The following URB1 variants were observed in gnomAD, a reference collection of about 807,000 sequenced individuals.
The protein encoded by URB1 is nucleolar pre-ribosomal-associated protein 1.
Under a neutral mutation model 242.3 loss-of-function variants are expected in URB1, and 197 were observed. The ratio of observed to expected loss-of-function variants is 0.81; its 90% CI spans 0.72 to 0.91. The LOEUF (loss-of-function observed/expected upper bound fraction) is 0.91. Ranked by LOEUF, URB1 falls within the 40% of genes least tolerant of loss-of-function variation. The probability of loss-of-function intolerance (pLI) is 0.00; values close to 1 mark genes in which losing one functional copy is unlikely to be tolerated. For missense variants in URB1, 2,721 were observed against 2,860.5 expected, an observed-to-expected ratio of 0.95 and a Z score of 1.11; for synonymous variants, 1,153 against 1,201.8, an observed-to-expected ratio of 0.96 and a Z score of 0.84.
rs201668042 is a variant in URB1, at chr21:32,344,642, A to G, written c.4185T>C (p.Ser1395=). The part of the protein sequence containing the change: ...SCVKWLIVSF[S]GGQQDDDNTQ... ...TATTATCATCATCTTGCTGTCCACC[A>G]CTGAAAGACACGATCAGCCACTTCA... The change falls in exon 24 of 39, where the codon AGT becomes AGC. Residue 1395 remains serine (S), a synonymous_variant. Transcript: ENST00000382751. 5.7e-5 allele frequency: 89 copies of G among 1,552,202 alleles called. No homozygotes were observed. The highest frequency in any genetic ancestry group is 3.3e-4 in the Middle Eastern group (2 of 6,020).
rs2033276237 is a variant in URB1 at position 32,360,987 on chromosome 21, T to C, written c.1756+20A>G. On this transcript the variant is annotated intron_variant, in intron 13 of 38. Transcript: ENST00000382751. ...TTGGCAGCAACAGTGGCGGCTTGTCTGCAAGACCTTGAAACCCACCTTTCA... is the reference window on the plus strand; with the variant it reads ...TTGGCAGCAACAGTGGCGGCTTGTCCGCAAGACCTTGAAACCCACCTTTCA... The C allele has an allele frequency of 2.0e-6, 3 of 1,519,622 alleles. No individual in the cohort carries two copies. Among genetic ancestry groups the C allele is most frequent in the Admixed American group, 4.2e-5 (2 of 47,224 alleles). The allele number at this position is 1,519,622 out of a possible 1,614,324, so 94.1% of individuals were successfully genotyped here. A position where few individuals can be genotyped will look rare whatever the true frequency, so the allele number is the denominator to read the frequency against.
At chr21:32,328,177 G>A (rs549117062) in intron 30 of URB1, among the ~76,000 whole-genome samples, 99 of 152,246 alleles carry the variant, frequency 6.5e-4, no homozygotes, top group Admixed American at 1.1e-3. Flanking sequence ...CTCCTTTGTC[G>A]CCCAGGCTGG....
At chr21:32,337,256 GGT>G (rs2032970654) in intron 27 of URB1, 99 bp from the exon 28 acceptor site, 1 of 1,387,002 alleles carries the variant, frequency 7.2e-7, no homozygotes. Context: ...CAAATGGCCC[GGT>G]CCTCATATCT....
Position 32,373,628 on chromosome 21 carries a change from A to G in URB1, c.876+19T>C, listed in dbSNP as rs2033428680. On this transcript the variant is annotated intron_variant, in intron 7 of 38. Transcript: ENST00000382751. ...AAATTCCAACAACGAGGTCAACGAA[A>G]ACCAAAAAGTGTCTGCACCTTGACA... The G allele has an allele frequency of 1.3e-6, 2 of 1,524,826 alleles. No homozygotes were observed. 94.5% of individuals were successfully genotyped at this position (1,524,826 alleles called of 1,614,324 possible).
chr21:32,358,607 C>G (rs1271532463), intron 14 of URB1, among the ~76,000 whole-genome samples: 1 of 152,134 alleles, frequency 6.6e-6, no homozygotes, highest in East Asian at 1.9e-4. Context: ...TTAGGCAGAG[C>G]CAGCAGATAT....
intron 8 of URB1, among the ~76,000 whole-genome samples, 190 bp from the exon 9 acceptor site, chr21:32,368,788 C>T (rs976520558): frequency 6.6e-6 from 1 of 152,098 alleles, no homozygotes; most frequent in Non-Finnish European, 1.5e-5. Flanking sequence ...GAGGGCTTCC[C>T]TCTCATCCTC....
intron 1 of URB1, among the ~76,000 whole-genome samples, chr21:32,387,020 G>A (rs2033590736): frequency 6.6e-6 from 1 of 152,160 alleles, no homozygotes; most frequent in South Asian, 2.1e-4. Context: ...AGTATGCCAA[G>A]CATCAGTTGA....
chr21:32,353,223 C>G (rs1029963812), intron 18 of URB1, among the ~76,000 whole-genome samples: 2 of 152,192 alleles, frequency 1.3e-5, no homozygotes, highest in East Asian at 3.8e-4. Flanking sequence ...TGTGCCTCGG[C>G]ACACAAGCCT....
intron 6 of URB1, among the ~76,000 whole-genome samples, chr21:32,375,013 A>T (rs527467862): frequency 9.8e-4 from 150 of 152,344 alleles, no homozygotes; most frequent in African/African-American, 3.6e-3. Flanking sequence ...TATCAATAAG[A>T]TGCTTGCAAA....
chr21:32,344,837 G>A (rs2033067707), intron 23 of URB1, 81 bp from the exon 24 acceptor site: 1 of 1,432,384 alleles, frequency 7.0e-7, no homozygotes, highest in Admixed American at 2.4e-5. Context: ...ATCACAAAGA[G>A]CCATATGGGA....
At chr21:32,354,170 C>T in intron 17 of URB1, 67 bp from the exon 18 acceptor site, 2 of 1,521,092 alleles carry the variant, frequency 1.3e-6, no homozygotes, top group Admixed American at 2.1e-5. Context: ...CAAATACCCA[C>T]AGGGAGGCAG....
rs2033114802 is a variant in URB1, at chr21:32,348,099, G to T, written c.3013-288C>A. On this transcript the variant is annotated intron_variant, in intron 21 of 38. Coordinates refer to ENST00000382751, the MANE Select transcript of URB1 (RefSeq NM_014825.3). ...CCTGGCTGGTGCCCCACCCACATTT[G>T]CGAGCACGTGTCTGAAGAACCCAGC... 4.6e-5 allele frequency among the ~76,000 whole-genome samples: 7 copies of T among 152,188 alleles called. No individual in the cohort carries two copies. In the South Asian group the frequency reaches 1.4e-3, roughly 32 times the overall value.
chr21:32,373,067 A>G (rs979555713), intron 7 of URB1, among the ~76,000 whole-genome samples: 3 of 152,200 alleles, frequency 2.0e-5, no homozygotes, highest in Non-Finnish European at 4.4e-5. Context: ...CTGTGCCTTT[A>G]CTACTCTGGC....
At chr21:32,378,063 TAA>T (rs2033479190) in intron 5 of URB1, among the ~76,000 whole-genome samples, 1 of 152,168 alleles carries the variant, frequency 6.6e-6, no homozygotes, top group Non-Finnish European at 1.5e-5. Context: ...CCAAAGAAAC[TAA>T]CTTTGTTTTT....
intron 17 of URB1, among the ~76,000 whole-genome samples, chr21:32,354,353 A>T (rs529440650): frequency 2.3e-4 from 35 of 152,218 alleles, no homozygotes; most frequent in South Asian, 4.1e-4. Context: ...CTCAAGTGAC[A>T]CAAGAAGCCC....
chr21:32,347,396 G>A lies in URB1; in HGVS notation c.3428C>T (p.Ser1143Phe), dbSNP rs773260000. ...THLVTQQPTK[S>F]PGKERHLNAL... ...ATTCAGGTGTCTTTCCTTCCCGGGG[G>A]ATTTCGTGGGTTGCTGGGTCACCAG... Residue 1143 changes from serine to phenylalanine, a missense_variant, in exon 22 of 39, where the codon TCC (serine) becomes TTC (phenylalanine). Coordinates refer to ENST00000382751, the MANE Select transcript of URB1 (RefSeq NM_014825.3). The A allele has an allele frequency of 6.4e-7, 1 of 1,551,528 alleles. No individual in the cohort carries two copies. The highest frequency in any genetic ancestry group is 1.2e-5 in the South Asian group (1 of 84,052).
chr21:32,344,982 C>T (rs938421872), intron 23 of URB1, among the ~76,000 whole-genome samples: 27 of 152,182 alleles, frequency 1.8e-4, no homozygotes, highest in African/African-American at 5.8e-4. Context: ...AGGAAAAGGA[C>T]ACGTATGTCC....
At chr21:32,339,838 C>T (rs2033008226) in intron 25 of URB1, among the ~76,000 whole-genome samples, 1 of 152,156 alleles carries the variant, frequency 6.6e-6, no homozygotes, top group Non-Finnish European at 1.5e-5. Flanking sequence ...GAACTTCCTG[C>T]TTAGTGGAAA....
intron 4 of URB1, among the ~76,000 whole-genome samples, chr21:32,382,771 T>C (rs1215518784): frequency 6.6e-6 from 1 of 152,096 alleles, no homozygotes; most frequent in East Asian, 1.9e-4. Context: ...GATGGGAGGA[T>C]GCCCTCTCTC....
Sources: gnomAD v4.1 joint callset for allele counts (sites outside exome capture counted in the v4.1 genomes callset) on GRCh38, gnomAD v4.1.1 for gene constraint, MANE v1.5 for transcripts, NCBI Gene and HGNC (gene_info 2026-07-23, HGNC 2026-07-21) for gene names.